The following DOK6 variants were observed in gnomAD, a reference collection of about 807,000 sequenced individuals.
DOK6 encodes downstream of tyrosine kinase 6.
A neutral mutation model predicts 44.0 loss-of-function variants in DOK6; 22 were observed. The observed-to-expected ratio is 0.50, with a 90% confidence interval of 0.36 to 0.71. The LOEUF (loss-of-function observed/expected upper bound fraction) is 0.71, where lower values mean the gene tolerates loss of function less well. Ranked by LOEUF, DOK6 falls within the 30% of genes least tolerant of loss-of-function variation. The pLI is 0.00. For missense variants in DOK6, 340 were observed against 416.4 expected, an observed-to-expected ratio of 0.82 and a Z score of 1.60; for synonymous variants, 166 against 145.5, an observed-to-expected ratio of 1.14 and a Z score of -1.01.
At chr18:69,665,543 T>A (rs1298468898) in intron 3 of DOK6, among the ~76,000 whole-genome samples, 1 of 152,128 alleles carries the variant, frequency 6.6e-6, no homozygotes, top group Non-Finnish European at 1.5e-5. Flanking sequence ...TTCTGGGAGT[T>A]TTCCAATTTT....
intron 4 of DOK6, among the ~76,000 whole-genome samples, chr18:69,695,073 G>A (rs1986361098): frequency 6.6e-6 from 1 of 152,138 alleles, no homozygotes; most frequent in African/African-American, 2.4e-5. Context: ...TTGTTCTGCT[G>A]GTACATGGCA....
chr18:69,615,392 T>G (rs1984261790), intron 3 of DOK6, among the ~76,000 whole-genome samples: 1 of 152,198 alleles, frequency 6.6e-6, no homozygotes, highest in Admixed American at 6.5e-5. Context: ...AAAAGACAAC[T>G]TGAATAAAGC....
chr18:69,737,429 C>T (rs1253189070), intron 5 of DOK6, among the ~76,000 whole-genome samples: 1 of 152,132 alleles, frequency 6.6e-6, no homozygotes, highest in African/African-American at 2.4e-5. Context: ...CTGATCCATT[C>T]ACCTCCCTCC....
chr18:69,431,810 T>A (rs757133119), intron 1 of DOK6, among the ~76,000 whole-genome samples: 12 of 152,234 alleles, frequency 7.9e-5, no homozygotes, highest in Non-Finnish European at 1.8e-4. Flanking sequence ...ATTTTGTAAC[T>A]TTTTAATTTG....
intron 6 of DOK6, among the ~76,000 whole-genome samples, chr18:69,756,079 C>T (rs538860304): frequency 3.9e-5 from 6 of 152,284 alleles, no homozygotes; most frequent in South Asian, 2.1e-4. Flanking sequence ...TCCTTTACTA[C>T]GCATGTGTTA....
intron 1 of DOK6, among the ~76,000 whole-genome samples, chr18:69,430,435 A>G (rs1046977383): frequency 6.6e-6 from 1 of 152,168 alleles, no homozygotes; most frequent in Admixed American, 6.5e-5. Context: ...TTTCATCATA[A>G]AAATGAGTTG....
intron 1 of DOK6, among the ~76,000 whole-genome samples, chr18:69,549,514 A>G (rs984978681): frequency 4.0e-5 from 6 of 151,568 alleles, no homozygotes; most frequent in Non-Finnish European, 7.4e-5. Flanking sequence ...TTCATAATCC[A>G]TTACCCCATT....
intron 3 of DOK6, among the ~76,000 whole-genome samples, chr18:69,624,819 G>A (rs1984520300): frequency 6.6e-6 from 1 of 152,032 alleles, no homozygotes; most frequent in African/African-American, 2.4e-5. Context: ...ATAGGATAGT[G>A]TTTTGTATAT....
chr18:69,581,073 T>C (rs1301396610), intron 2 of DOK6, among the ~76,000 whole-genome samples: 2 of 152,250 alleles, frequency 1.3e-5, no homozygotes, highest in Non-Finnish European at 2.9e-5. Context: ...ATCGTGTATA[T>C]ACGGCACACT....
intron 3 of DOK6, among the ~76,000 whole-genome samples, chr18:69,607,710 A>C (rs1984035849): frequency 6.6e-6 from 1 of 152,162 alleles, no homozygotes; most frequent in Non-Finnish European, 1.5e-5. Context: ...TTCAAAGAAA[A>C]TTTGGAAAAC....
chr18:69,686,669 T>C (rs1986158787), intron 4 of DOK6, among the ~76,000 whole-genome samples: 2 of 152,048 alleles, frequency 1.3e-5, no homozygotes, highest in South Asian at 4.1e-4. Context: ...CATTTATACC[T>C]CAAAGTTCAC....
intron 1 of DOK6, among the ~76,000 whole-genome samples, chr18:69,418,242 CAG>C (rs1257327396): frequency 6.6e-6 from 1 of 152,026 alleles, no homozygotes; most frequent in Non-Finnish European, 1.5e-5. Context: ...TATTGAAAGA[CAG>C]GGGTCCAGTT....
intron 1 of DOK6, among the ~76,000 whole-genome samples, chr18:69,538,027 G>A (rs1982168405): frequency 6.6e-6 from 1 of 152,124 alleles, no homozygotes; most frequent in African/African-American, 2.4e-5. Context: ...TGTTCAATTT[G>A]ATGCTTTATG....
intron 7 of DOK6, among the ~76,000 whole-genome samples, chr18:69,791,557 G>A (rs1000813230): frequency 2.0e-5 from 3 of 152,098 alleles, no homozygotes; most frequent in Admixed American, 1.3e-4. Flanking sequence ...GTCTTCTTTC[G>A]AGAAATGTCT....
intron 2 of DOK6, among the ~76,000 whole-genome samples, chr18:69,573,085 T>G (rs1002491319): frequency 6.6e-6 from 1 of 151,582 alleles, no homozygotes; most frequent in African/African-American, 2.4e-5. Flanking sequence ...ATGTGTGTAA[T>G]TATAGGGTTT....
intron 1 of DOK6, among the ~76,000 whole-genome samples, chr18:69,421,587 A>G (rs369598581): frequency 6.6e-6 from 1 of 152,184 alleles, no homozygotes; most frequent in East Asian, 1.9e-4. Context: ...TCTAAACAAG[A>G]AATACAGATT....
rs1980005676 is a variant in DOK6 at position 69,774,596 on chromosome 18, G to A, written c.856+16723G>A. Among the ~76,000 whole-genome samples, 3 of 152,088 alleles carry A rather than the reference G, an allele frequency of 2.0e-5. No homozygotes were observed. The South Asian group carries it at 6.2e-4, about 32-fold the overall frequency. On this transcript the variant is annotated intron_variant, in intron 7 of 7. Transcript: ENST00000382713. Reference sequence around the variant, plus strand: ...TTAATTTAACATTAAAAACTGAATTGTGAAAGTGGTAACTTAGTCACAAGT... The same window carrying A: ...TTAATTTAACATTAAAAACTGAATTATGAAAGTGGTAACTTAGTCACAAGT...
chr18:69,449,728 G>A (rs957363140), intron 1 of DOK6, among the ~76,000 whole-genome samples: 22 of 151,930 alleles, frequency 1.4e-4, no homozygotes, highest in Non-Finnish European at 2.9e-4. Context: ...CGGGCAGACT[G>A]CCTCCTCAAG....
chr18:69,578,801 G>T (rs1304804833), intron 2 of DOK6, among the ~76,000 whole-genome samples: 1 of 152,016 alleles, frequency 6.6e-6, no homozygotes, highest in South Asian at 2.1e-4. Context: ...AGTTATAAAT[G>T]CACATTTATT....
Sources: gnomAD v4.1 joint callset for allele counts (sites outside exome capture counted in the v4.1 genomes callset) on GRCh38, gnomAD v4.1.1 for gene constraint, MANE v1.5 for transcripts, NCBI Gene and HGNC (gene_info 2026-07-23, HGNC 2026-07-21) for gene names.